The following CCDC180 variants were observed in gnomAD, a reference collection of about 807,000 sequenced individuals.
The protein encoded by CCDC180 is coiled-coil domain-containing protein 180.
CCDC180 carries 154 observed loss-of-function variants against 209.2 expected under a neutral mutation model. That is an observed-to-expected ratio of 0.74 (90% CI 0.65 to 0.84). The LOEUF (loss-of-function observed/expected upper bound fraction) is 0.84, where lower values mean the gene tolerates loss of function less well. Ranked by LOEUF, CCDC180 falls within the 40% of genes least tolerant of loss-of-function variation. The pLI, the probability that CCDC180 is intolerant of heterozygous loss-of-function variation, is 0.00. For synonymous variants in CCDC180, 778 were observed against 749.1 expected (o/e 1.04, Z -0.63); for missense variants, 1,874 against 1,997.3 (o/e 0.94, Z 1.18).
intron 3 of CCDC180, 43 bp from the exon 4 acceptor site, chr9:97,312,070 G>A (rs886447339): frequency 6.4e-7 from 1 of 1,561,686 alleles, no homozygotes; most frequent in South Asian, 1.1e-5. Context: ...GCCATGGATG[G>A]CATCAGGAGC....
intron 32 of CCDC180, 49 bp downstream of exon 32, chr9:97,370,131 G>T: frequency 6.3e-7 from 1 of 1,581,718 alleles, no homozygotes; most frequent in Non-Finnish European, 8.6e-7. Context: ...GGGGAACTGG[G>T]AGTTCAGAAA....
intron 25 of CCDC180, among the ~76,000 whole-genome samples, chr9:97,358,480 A>G (rs1384329426): frequency 6.6e-6 from 1 of 152,124 alleles, no homozygotes; most frequent in East Asian, 1.9e-4. Flanking sequence ...AAGTATGAAA[A>G]GTCAGAATTG....
Position 97,349,163 on chromosome 9 carries a change from C to T in CCDC180, c.2727C>T (p.Thr909=), listed in dbSNP as rs749060261. 7.2e-6 allele frequency: 11 copies of T among 1,536,252 alleles called. No homozygotes were observed. The African/African-American group carries it at 8.2e-5, about 11-fold the overall frequency. ...TGGACAGCCACTGTGCTGGGGTGAC[C>T]GAGACGCTGAAGAAGAAGCGGCTGA... is the stretch of plus-strand genomic sequence containing the variant. ...EQLDSHCAGV[T]ETLKKKRLMF... The change falls in exon 21 of 37, where the codon ACC becomes ACT. Residue 909 remains threonine, a synonymous_variant. Coordinates refer to ENST00000529487, the MANE Select transcript of CCDC180 (RefSeq NM_020893.6).
intron 2 of CCDC180, among the ~76,000 whole-genome samples, chr9:97,308,983 T>C (rs982415526): frequency 6.6e-6 from 1 of 152,226 alleles, no homozygotes; most frequent in African/African-American, 2.4e-5. Flanking sequence ...TTCTAATGCA[T>C]GTAAGTGATA....
Position 97,307,728 on chromosome 9 carries a change from G to A in CCDC180, c.-160G>A. ...CAAGCAATAATCCTGTATTATTCGC[G>A]TTCCCAGAGTCCCTTCGGATTTGCG... On this transcript the variant is annotated 5_prime_UTR_variant, in exon 1 of 37. Coordinates refer to ENST00000529487, the MANE Select transcript of CCDC180 (RefSeq NM_020893.6). 6.2e-7 allele frequency: 1 copy of A among 1,613,916 alleles called. No individual in the cohort carries two copies. Among genetic ancestry groups the A allele is most frequent in the Non-Finnish European group, 8.5e-7 (1 of 1,179,810 alleles).
intron 22 of CCDC180, among the ~76,000 whole-genome samples, chr9:97,352,976 C>CAT (rs1260391426): frequency 0.012 from 1,805 of 148,888 alleles, 27 homozygotes; most frequent in African/African-American, 0.039. Flanking sequence ...CACACATATA[C>CAT]ATATATATAT....
In CCDC180 at chr9:97,318,483, G is replaced by C. The variant is rs560335840; in HGVS notation, c.980G>C (p.Ser327Thr). ...ACCAGTGAGTTCATGGCCAGTGAGA[G>C]TATCCATACTCCCCCGGCTGTGACG... ...QSFSEFMASESIHTPPAVTKE... is the reference protein window; with the variant it reads ...QSFSEFMASETIHTPPAVTKE... Residue 327 changes from serine (S) to threonine (T), a missense_variant, in exon 10 of 37, where the codon AGT becomes ACT. By Grantham distance (58) the Ser-to-Thr change is moderately conservative (BLOSUM62 1). Coordinates refer to ENST00000529487, the MANE Select transcript of CCDC180 (RefSeq NM_020893.6). The C allele has an allele frequency of 1.2e-6, 2 of 1,613,574 alleles. No homozygotes were observed. Among genetic ancestry groups the C allele is most frequent in the Non-Finnish European group, 1.7e-6 (2 of 1,179,898 alleles).
At position 97,314,840 on chromosome 9, in the gene CCDC180, G is replaced by A. The variant is rs2118555610; in HGVS notation, c.700-11G>A. ...AGTGAGCCACTAAGTATGGTGCCTT[G>A]TCATTTCTAGCTAAAAAGCGTGTTG... is the stretch of plus-strand genomic sequence containing the variant. On this transcript the variant is annotated splice_polypyrimidine_tract_variant and intron_variant, in intron 7 of 36. Coordinates refer to ENST00000529487, the MANE Select transcript of CCDC180 (RefSeq NM_020893.6). 6.2e-7 allele frequency: 1 copy of A among 1,612,160 alleles called. No homozygotes were observed. The highest frequency in any genetic ancestry group is 1.1e-5 in the South Asian group (1 of 91,038).
upstream of CCDC180, chr9:97,307,591 G>A: frequency 1.4e-6 from 1 of 720,034 alleles, no homozygotes; most frequent in Non-Finnish European, 2.5e-6. Context: ...GTGTCCCATG[G>A]AGGGTGGATT....
chr9:97,365,407 C>A, intron 29 of CCDC180: 1 of 428,390 alleles, frequency 2.3e-6, no homozygotes, highest in South Asian at 2.7e-5. Context: ...GGCATTAATC[C>A]AAGATCATTA....
intron 22 of CCDC180, among the ~76,000 whole-genome samples, chr9:97,351,786 T>C (rs911098911): frequency 6.6e-6 from 1 of 152,040 alleles, no homozygotes; most frequent in Non-Finnish European, 1.5e-5. Flanking sequence ...TAAAGGAACC[T>C]CCTTTCCACC....
At position 97,347,432 on chromosome 9, in the gene CCDC180, C is replaced by T; in HGVS notation, c.2617C>T (p.His873Tyr). The change falls in exon 20 of 37, where the codon CAC (histidine) becomes TAC (tyrosine). Residue 873 changes from histidine (H) to tyrosine (Y), a missense_variant. His to Tyr is a moderately conservative substitution (Grantham distance 83). Transcript: ENST00000529487. ...ELDSELELHL[H>Y]LHQPRAQQIE... is the part of the protein sequence containing the mutation. Reference sequence around the variant, plus strand: ...GGATTCAGAACTGGAGCTGCATCTGCACCTGCACCAGCCAAGAGCCCAGCA... The same window carrying T: ...GGATTCAGAACTGGAGCTGCATCTGTACCTGCACCAGCCAAGAGCCCAGCA... 1 of 1,536,138 alleles carries T rather than the reference C, an allele frequency of 6.5e-7. No individual in the cohort carries two copies. Among genetic ancestry groups the T allele is most frequent in the Non-Finnish European group, 8.7e-7 (1 of 1,146,920 alleles).
chr9:97,373,099 G>T (rs187088772), intron 34 of CCDC180: 11 of 152,316 alleles, frequency 7.2e-5, no homozygotes, highest in Admixed American at 2.0e-4. Context: ...GAATCTGTGT[G>T]AGAGACAGAG....
Position 97,377,203 on chromosome 9 carries a change from G to A in CCDC180, c.*309G>A, listed in dbSNP as rs942886630. 2 of 213,630 alleles carry A rather than the reference G, an allele frequency of 9.4e-6. No homozygotes were observed. Among genetic ancestry groups the A allele is most frequent in the Non-Finnish European group, 1.9e-5 (2 of 107,086 alleles). 13.2% of individuals were successfully genotyped at this position (213,630 alleles called of 1,614,324 possible). The stretch of plus-strand genomic sequence containing the variant: ...GACATCACCTCCAAACAGCATGCTG[G>A]GCAGGGCACGTCATCTTGAAAAATG... On this transcript the variant is annotated 3_prime_UTR_variant, in exon 37 of 37. Transcript: ENST00000529487.
rs1410859283 is a variant in CCDC180, at chr9:97,349,156, G to A, written c.2720G>A (p.Gly907Glu). Residue 907 changes from glycine to glutamate, a missense_variant, in exon 21 of 37, where the codon GGG (glycine) becomes GAG (glutamate). Gly to Glu is a moderately conservative substitution (Grantham distance 98, BLOSUM62 -2). Coordinates refer to ENST00000529487, the MANE Select transcript of CCDC180 (RefSeq NM_020893.6). ...GAGCAGTTGGACAGCCACTGTGCTG[G>A]GGTGACCGAGACGCTGAAGAAGAAG... ...HQEQLDSHCA[G>E]VTETLKKKRL... 4 of 1,536,128 alleles carry A rather than the reference G, an allele frequency of 2.6e-6. No homozygotes were observed. Among genetic ancestry groups the A allele is most frequent in the Admixed American group, 2.0e-5 (1 of 50,982 alleles).
intron 34 of CCDC180, 122 bp downstream of exon 34, chr9:97,371,828 T>C (rs1827110420): frequency 5.8e-6 from 3 of 521,528 alleles, no homozygotes; most frequent in Admixed American, 3.1e-5. Context: ...AGGGGACTGA[T>C]TAATTTTTGT....
intron 15 of CCDC180, among the ~76,000 whole-genome samples, chr9:97,327,208 A>AG (rs2118659398): frequency 6.6e-6 from 1 of 152,288 alleles, no homozygotes; most frequent in African/African-American, 2.4e-5. Context: ...TTCTTGTTAA[A>AG]GGGGGAAAAA....
chr9:97,350,617 T>G (rs1212683324), intron 22 of CCDC180, 62 bp downstream of exon 22: 1 of 1,481,036 alleles, frequency 6.8e-7, no homozygotes, highest in Non-Finnish European at 9.0e-7. Flanking sequence ...GATGTGGTCT[T>G]GTTTCCCCCT....
In CCDC180 at chr9:97,314,606, T is replaced by A; in HGVS notation, c.589-12T>A. The stretch of plus-strand genomic sequence containing the variant: ...CACCGGCTCCTAGCCTGACCCAAAC[T>A]TCTCTGCGTAGGCCCTGCTGGAGCT... On this transcript the variant is annotated splice_polypyrimidine_tract_variant and intron_variant, in intron 6 of 36. Transcript: ENST00000529487. 1.9e-6 allele frequency: 3 copies of A among 1,613,946 alleles called. No homozygotes were observed. The highest frequency in any genetic ancestry group is 2.5e-6 in the Non-Finnish European group (3 of 1,179,924).
Sources: gnomAD v4.1 joint callset for allele counts (sites outside exome capture counted in the v4.1 genomes callset) on GRCh38, gnomAD v4.1.1 for gene constraint, MANE v1.5 for transcripts, NCBI Gene and HGNC (gene_info 2026-07-23, HGNC 2026-07-21) for gene names.